MRPL13: variants seen among roughly 807,000 people sequenced by gnomAD.
MRPL13 encodes large ribosomal subunit protein uL13m.
MRPL13 carries 33 observed loss-of-function variants against 29.0 expected under a neutral mutation model. The ratio of observed to expected loss-of-function variants is 1.14; its 90% CI spans 0.86 to 1.52. MRPL13 has a LOEUF of 1.52. MRPL13 is among the 40% of genes most tolerant of loss of function. MRPL13 has a pLI of 0.00. For synonymous variants in MRPL13, 77 were observed against 68.4 expected (o/e 1.13, Z -0.62); for missense variants, 227 against 216.7 (o/e 1.05, Z -0.30).
intron 4 of MRPL13, among the ~76,000 whole-genome samples, chr8:120,422,154 C>T (rs1812880387): frequency 6.6e-6 from 1 of 151,554 alleles, no homozygotes. Flanking sequence ...AAATATCCTT[C>T]CCCCCAACCT....
chr8:120,427,166 T>C (rs1812939387), intron 3 of MRPL13, among the ~76,000 whole-genome samples: 1 of 152,162 alleles, frequency 6.6e-6, no homozygotes. Flanking sequence ...ATAATCTTAA[T>C]AGATAAAACG....
At chr8:120,432,236 A>T (rs1813005055) in intron 2 of MRPL13, 113 bp from the exon 3 acceptor site, 1 of 710,928 alleles carries the variant, frequency 1.4e-6, no homozygotes, top group Non-Finnish European at 2.1e-6. Context: ...AAAAAATAAA[A>T]AGCAAGTTAC....
chr8:120,400,164 C>T lies in MRPL13; in HGVS notation c.516-4039G>A, dbSNP rs545539171. 6.0e-4 allele frequency among the ~76,000 whole-genome samples: 91 copies of T among 152,314 alleles called. 1 individual carries two copies. Among genetic ancestry groups the T allele is most frequent in the African/African-American group, 2.1e-3 (86 of 41,562 alleles). ...TAGATATCTACAGAACTCTGCACCC[C>T]AAAACAACAGAACATACATTCTTCT... On this transcript the variant is annotated intron_variant, in intron 6 of 6. Transcript: ENST00000306185.
At chr8:120,439,516 G>C (rs565252165) in intron 2 of MRPL13, among the ~76,000 whole-genome samples, 5 of 152,152 alleles carry the variant, frequency 3.3e-5, no homozygotes, top group African/African-American at 1.2e-4. Flanking sequence ...ACCTAACTCC[G>C]TATTTCCCCC....
At chr8:120,416,980 C>T (rs900404634) in intron 5 of MRPL13, among the ~76,000 whole-genome samples, 11 of 152,176 alleles carry the variant, frequency 7.2e-5, no homozygotes, top group African/African-American at 2.7e-4. Flanking sequence ...TCAAGAATCA[C>T]ATGCATTTAG....
rs1227321577 is a variant in MRPL13, at chr8:120,440,290, A to G, written c.151+2895T>C. Among the ~76,000 whole-genome samples, 6 of 152,234 alleles carry G rather than the reference A, an allele frequency of 3.9e-5. No homozygotes were observed. In the South Asian group the frequency reaches 1.0e-3, roughly 26 times the overall value. ...AAGCTATGCAGATATCTGGTAAAGA[A>G]TATCTAGGCAGAGGGAACAGTGTGT... On this transcript the variant is annotated intron_variant, in intron 2 of 6. Transcript: ENST00000306185.
intron 6 of MRPL13, among the ~76,000 whole-genome samples, chr8:120,407,851 A>G (rs1000394072): frequency 4.6e-5 from 7 of 152,210 alleles, no homozygotes; most frequent in Non-Finnish European, 8.8e-5. Flanking sequence ...TCACTCTTAC[A>G]TAATATTTCT....
At chr8:120,443,383 A>G in intron 1 of MRPL13, 75 bp from the exon 2 acceptor site, 2 of 1,264,834 alleles carry the variant, frequency 1.6e-6, no homozygotes, top group Non-Finnish European at 2.1e-6. Flanking sequence ...TACAGTAATT[A>G]AATTTATTAT....
intron 5 of MRPL13, 78 bp from the exon 6 acceptor site, chr8:120,414,190 TTA>T: frequency 3.9e-6 from 3 of 762,006 alleles, no homozygotes; most frequent in Non-Finnish European, 5.4e-6. Flanking sequence ...TTCATAAGTG[TTA>T]AAAAAATAAG....
intron 2 of MRPL13, among the ~76,000 whole-genome samples, chr8:120,434,191 C>T (rs1813027205): frequency 6.6e-6 from 1 of 152,082 alleles, no homozygotes; most frequent in African/African-American, 2.4e-5. Context: ...TAGTCCTACA[C>T]CGCCTCAATG....
Position 120,414,126 on chromosome 8 carries a change from A to AG in MRPL13, c.394-15_394-14insC. ...TTCTGGAATATACTACATTAAAAAA[A>AG]AATTTAGACTTAATTTTCTTAAAAT... On this transcript the variant is annotated splice_polypyrimidine_tract_variant and intron_variant, in intron 5 of 6. Transcript: ENST00000306185. 6.7e-7 allele frequency: 1 copy of AG among 1,497,712 alleles called. No homozygotes were observed. 92.8% of individuals were successfully genotyped at this position (1,497,712 alleles called of 1,614,324 possible).
rs72150915 is a variant in MRPL13 at position 120,406,555 on chromosome 8, ATGTGTGTGTGTGTGTGTGTGTGTG to A, written c.515+7412_515+7435del. ...CTAACAGTGGATTATATATGTGTGC[ATGTGTGTGTGTGTGTGTGTGTGTG>A]TGTGTGTGTGTGTAATTGTTATCTA... On this transcript the variant is annotated intron_variant, in intron 6 of 6. Coordinates refer to ENST00000306185, the MANE Select transcript of MRPL13 (RefSeq NM_014078.6). Among the ~76,000 whole-genome samples the A allele has an allele frequency of 5.4e-5, 8 of 147,168 alleles. No individual in the cohort carries two copies. The East Asian group carries it at 1.6e-3, about 29-fold the overall frequency.
intron 4 of MRPL13, among the ~76,000 whole-genome samples, chr8:120,423,901 G>A (rs930470113): frequency 1.3e-5 from 2 of 152,122 alleles, no homozygotes; most frequent in Non-Finnish European, 2.9e-5. Flanking sequence ...AAGAAAGCTT[G>A]TAGATTGGGA....
At chr8:120,412,066 A>G (rs1022729039) in intron 6 of MRPL13, among the ~76,000 whole-genome samples, 1 of 152,186 alleles carries the variant, frequency 6.6e-6, no homozygotes, top group African/African-American at 2.4e-5. Context: ...CTTCAAGTGT[A>G]TAATATGTAT....
chr8:120,443,326 A>AG lies in MRPL13; in HGVS notation c.28-19_28-18insC. 6.4e-7 allele frequency: 1 copy of AG among 1,557,194 alleles called. No individual in the cohort carries two copies. Among genetic ancestry groups the AG allele is most frequent in the Non-Finnish European group, 8.6e-7 (1 of 1,158,260 alleles). On this transcript the variant is annotated intron_variant, in intron 1 of 6. Transcript: ENST00000306185. ...GCCCATTGCTTGGGGGGGAAAAAAA[A>AG]AAAAAAGAAGAGGAAAAAATAAAGA...
intron 3 of MRPL13, 87 bp from the exon 4 acceptor site, chr8:120,425,453 T>C (rs958549633): frequency 6.5e-6 from 6 of 925,852 alleles, no homozygotes; most frequent in Non-Finnish European, 6.5e-6. Flanking sequence ...AAAACTATTT[T>C]AATAAATTGT....
intron 3 of MRPL13, among the ~76,000 whole-genome samples, chr8:120,427,381 C>T (rs924437237): frequency 6.6e-6 from 1 of 152,058 alleles, no homozygotes; most frequent in Non-Finnish European, 1.5e-5. Flanking sequence ...AATGATCATT[C>T]CTTTGATATC....
rs935737080 is a variant in MRPL13 at position 120,434,763 on chromosome 8, T to C, written c.152-2640A>G. Among the ~76,000 whole-genome samples the C allele has an allele frequency of 3.3e-5, 5 of 152,112 alleles. No homozygotes were observed. In the East Asian group the frequency reaches 7.7e-4, roughly 23 times the overall value. ...ACCTAGAGTATAGGATAACTTTTTG[T>C]AGCCTTATTTACCAGTTTTTCCAAC... On this transcript the variant is annotated intron_variant, in intron 2 of 6. Transcript: ENST00000306185.
At chr8:120,430,019 T>C (rs1466196219) in intron 3 of MRPL13, among the ~76,000 whole-genome samples, 1 of 152,168 alleles carries the variant, frequency 6.6e-6, no homozygotes, top group African/African-American at 2.4e-5. Context: ...CACAGCACTT[T>C]GGGAGGCCAA....
Sources: allele counts gnomAD v4.1 joint callset (sites outside exome capture counted in the v4.1 genomes callset), GRCh38; gene constraint gnomAD v4.1.1; transcripts MANE v1.5; gene names NCBI Gene and HGNC (gene_info 2026-07-23, HGNC 2026-07-21).